The following FSTL5 variants were observed in gnomAD, a reference collection of about 807,000 sequenced individuals.
FSTL5 encodes the protein follistatin-related protein 5.
FSTL5 carries 62 observed loss-of-function variants against 89.1 expected under a neutral mutation model. The ratio of observed to expected loss-of-function variants is 0.70; its 90% CI spans 0.57 to 0.86. The LOEUF (loss-of-function observed/expected upper bound fraction) is 0.86, where lower values mean the gene tolerates loss of function less well. FSTL5 is among the 40% of genes least tolerant of loss of function. The pLI is 0.00. For missense variants in FSTL5, 1,057 were observed against 1,001.6 expected, an observed-to-expected ratio of 1.06 and a Z score of -0.75; for synonymous variants, 383 against 346.2, an observed-to-expected ratio of 1.11 and a Z score of -1.18.
chr4:161,424,003 C>T (rs974588110), intron 15 of FSTL5, among the ~76,000 whole-genome samples: 5 of 147,652 alleles, frequency 3.4e-5, no homozygotes, highest in African/African-American at 9.9e-5. Flanking sequence ...ACTACAGGTG[C>T]CTGCCAGCAC....
At chr4:161,704,680 A>G (rs1738511191) in intron 6 of FSTL5, among the ~76,000 whole-genome samples, 1 of 152,104 alleles carries the variant, frequency 6.6e-6, no homozygotes, top group Non-Finnish European at 1.5e-5. Context: ...TATTAAGCTC[A>G]TTACAGATTG....
intron 7 of FSTL5, among the ~76,000 whole-genome samples, chr4:161,592,795 G>C (rs1157835058): frequency 7.2e-5 from 11 of 152,044 alleles, no homozygotes; most frequent in Admixed American, 5.9e-4. Context: ...CCCAGCAATG[G>C]GATTGCTGGG....
chr4:161,534,084 T>C (rs960066775), intron 10 of FSTL5, among the ~76,000 whole-genome samples: 8 of 151,972 alleles, frequency 5.3e-5, no homozygotes, highest in African/African-American at 1.9e-4. Flanking sequence ...TACCTTAAAA[T>C]AATAAGAACC....
intron 12 of FSTL5, among the ~76,000 whole-genome samples, chr4:161,495,879 A>C (rs190069221): frequency 4.9e-4 from 74 of 152,254 alleles, no homozygotes; most frequent in African/African-American, 1.7e-3. Context: ...TTCTAAAATG[A>C]AACACATTAG....
intron 12 of FSTL5, among the ~76,000 whole-genome samples, chr4:161,486,158 A>C (rs1357046238): frequency 6.7e-6 from 1 of 149,156 alleles, no homozygotes; most frequent in South Asian, 2.1e-4. Flanking sequence ...AAAAAAAAAA[A>C]AAAAAAAGTA....
intron 4 of FSTL5, among the ~76,000 whole-genome samples, chr4:161,855,893 G>A (rs914622278): frequency 6.6e-6 from 1 of 152,028 alleles, no homozygotes; most frequent in Admixed American, 6.6e-5. Context: ...GGTTCAAAGA[G>A]GGTGAGGAAA....
intron 2 of FSTL5, among the ~76,000 whole-genome samples, chr4:162,088,046 C>T (rs567195425): frequency 1.3e-5 from 2 of 152,180 alleles, no homozygotes; most frequent in African/African-American, 4.8e-5. Context: ...GCCTTCAAGA[C>T]ATGAGTAGCA....
intron 3 of FSTL5, among the ~76,000 whole-genome samples, chr4:161,979,101 C>T (rs1337723340): frequency 6.6e-6 from 1 of 152,118 alleles, no homozygotes; most frequent in Non-Finnish European, 1.5e-5. Context: ...GTATTTATCC[C>T]TGCTTCTTGA....
intron 8 of FSTL5, among the ~76,000 whole-genome samples, chr4:161,559,584 T>C (rs187150917): frequency 2.6e-5 from 4 of 152,094 alleles, no homozygotes; most frequent in African/African-American, 9.6e-5. Context: ...CTCTCATTTC[T>C]ATCTTACTGT....
At chr4:161,612,895 A>G (rs2126637104) in intron 7 of FSTL5, among the ~76,000 whole-genome samples, 1 of 152,322 alleles carries the variant, frequency 6.6e-6, no homozygotes, top group East Asian at 1.9e-4. Flanking sequence ...ATAAAATACA[A>G]ATGTGTCTGT....
chr4:161,815,722 A>G (rs1730305168), intron 4 of FSTL5, among the ~76,000 whole-genome samples: 1 of 152,156 alleles, frequency 6.6e-6, no homozygotes, highest in Admixed American at 6.6e-5. Flanking sequence ...ACACATTACT[A>G]AAAGGTAGAT....
chr4:162,027,945 A>G (rs1420840938), intron 3 of FSTL5, among the ~76,000 whole-genome samples: 2 of 152,160 alleles, frequency 1.3e-5, no homozygotes, highest in Non-Finnish European at 2.9e-5. Flanking sequence ...TGCAATTGCT[A>G]TGACATAAAA....
intron 4 of FSTL5, among the ~76,000 whole-genome samples, chr4:161,853,156 TTTTCTAAAA>T (rs1296429925): frequency 2.6e-5 from 4 of 152,242 alleles, no homozygotes; most frequent in African/African-American, 9.6e-5. Flanking sequence ...AGCTTATCTG[TTTTCTAAAA>T]ATAGTATCAG....
intron 3 of FSTL5, among the ~76,000 whole-genome samples, chr4:161,939,231 T>C (rs1391341808): frequency 6.6e-6 from 1 of 151,944 alleles, no homozygotes; most frequent in African/African-American, 2.4e-5. Context: ...AAAAATAAGC[T>C]TCTCTGATTT....
At chr4:162,051,053 T>C (rs1190922248) in intron 2 of FSTL5, among the ~76,000 whole-genome samples, 1 of 151,610 alleles carries the variant, frequency 6.6e-6, no homozygotes, top group Non-Finnish European at 1.5e-5. Flanking sequence ...ATGTATTGTC[T>C]TCAAGAAACA....
At chr4:162,051,964 AAG>A (rs979022979) in intron 2 of FSTL5, among the ~76,000 whole-genome samples, 1 of 151,694 alleles carries the variant, frequency 6.6e-6, no homozygotes, top group Non-Finnish European at 1.5e-5. Flanking sequence ...AGGGAAGAAA[AAG>A]AAATAAAAAA....
intron 2 of FSTL5, among the ~76,000 whole-genome samples, chr4:162,104,031 C>G (rs901636333): frequency 1.3e-5 from 2 of 152,206 alleles, no homozygotes; most frequent in African/African-American, 2.4e-5. Flanking sequence ...CTCTTCTGAT[C>G]CGCGTTTGTT....
At chr4:161,389,923 T>G (rs2110872088) in intron 15 of FSTL5, among the ~76,000 whole-genome samples, 1 of 152,160 alleles carries the variant, frequency 6.6e-6, no homozygotes, top group Non-Finnish European at 1.5e-5. Context: ...GCAGGTAATA[T>G]TCTTACAACG....
intron 15 of FSTL5, among the ~76,000 whole-genome samples, chr4:161,413,306 A>C (rs1254410533): frequency 2.0e-5 from 3 of 151,612 alleles, no homozygotes; most frequent in Admixed American, 2.0e-4. Flanking sequence ...AGTGGCCAAG[A>C]AGCATATGAA....
Sources: allele counts gnomAD v4.1 joint callset (sites outside exome capture counted in the v4.1 genomes callset), GRCh38; gene constraint gnomAD v4.1.1; transcripts MANE v1.5; gene names NCBI Gene and HGNC (gene_info 2026-07-23, HGNC 2026-07-21).